Variants in CNTN5 observed in about 807,000 individuals in gnomAD.
The protein encoded by CNTN5 is contactin-5.
In CNTN5, 77 loss-of-function variants were observed where a neutral mutation model predicts 129.1. The ratio of observed to expected loss-of-function variants is 0.60; its 90% CI spans 0.50 to 0.72. The LOEUF (loss-of-function observed/expected upper bound fraction) is 0.72, where lower values mean the gene tolerates loss of function less well. CNTN5 is among the 30% of genes least tolerant of loss of function. The pLI, the probability that CNTN5 is intolerant of heterozygous loss-of-function variation, is 0.00. For synonymous variants in CNTN5, 509 were observed against 465.6 expected, an observed-to-expected ratio of 1.09 and a Z score of -1.20; for missense variants, 1,478 against 1,328.8, an observed-to-expected ratio of 1.11 and a Z score of -1.75.
At chr11:99,314,196 T>A (rs1373105790) in intron 1 of CNTN5, among the ~76,000 whole-genome samples, 1 of 152,082 alleles carries the variant, frequency 6.6e-6, no homozygotes, top group Non-Finnish European at 1.5e-5. Flanking sequence ...TAAAAAATTA[T>A]GCCATGTAAA....
chr11:99,670,931 A>G (rs1591454307), intron 3 of CNTN5, among the ~76,000 whole-genome samples: 2 of 152,292 alleles, frequency 1.3e-5, no homozygotes, highest in South Asian at 4.1e-4. Context: ...TATAGTAGGC[A>G]CTATGTAATT....
intron 6 of CNTN5, among the ~76,000 whole-genome samples, chr11:99,866,886 A>G (rs1442901043): frequency 6.6e-6 from 1 of 152,144 alleles, no homozygotes; most frequent in Non-Finnish European, 1.5e-5. Flanking sequence ...CACCCTTCCC[A>G]CAACATCTTT....
intron 24 of CNTN5, among the ~76,000 whole-genome samples, chr11:100,353,047 C>T (rs182568613): frequency 2.0e-4 from 30 of 151,620 alleles, no homozygotes; most frequent in African/African-American, 7.2e-4. Flanking sequence ...CTTTCAACTC[C>T]AACACAATCA....
intron 16 of CNTN5, among the ~76,000 whole-genome samples, chr11:100,232,711 C>T (rs1362358868): frequency 6.6e-6 from 1 of 152,136 alleles, no homozygotes; most frequent in Admixed American, 6.5e-5. Context: ...TGGCAGGCAT[C>T]GAGCTATGAT....
In CNTN5 at chr11:100,339,526, T is replaced by C. The variant is rs572714803; in HGVS notation, c.2731-937T>C. 1.5e-4 allele frequency among the ~76,000 whole-genome samples: 23 copies of C among 152,038 alleles called. No individual in the cohort carries two copies. The South Asian group carries it at 4.8e-3, about 32-fold the overall frequency. On this transcript the variant is annotated intron_variant, in intron 21 of 24. Transcript: ENST00000524871. ...TAGTTTTGAAAAAGGCAAGATTCAA[T>C]TGGTAAAAAGGCATTATTCAGAAAG...
rs199823982 is a variant in CNTN5 at position 99,347,592 on chromosome 11, G to A, written c.-71+22108G>A. On this transcript the variant is annotated intron_variant, in intron 2 of 24. Coordinates refer to ENST00000524871, the MANE Select transcript of CNTN5 (RefSeq NM_014361.4). ...GTCCCACTTTTCATGAGTCTGACCT[G>A]ATTTCAATTTATTTTGCACTTTAAT... is the stretch of plus-strand genomic sequence containing the variant. Among the ~76,000 whole-genome samples, 7 of 152,244 alleles carry A rather than the reference G, an allele frequency of 4.6e-5. No individual in the cohort carries two copies. In the East Asian group the frequency reaches 1.4e-3, roughly 29 times the overall value.
intron 13 of CNTN5, among the ~76,000 whole-genome samples, chr11:100,085,923 T>A (rs1450359889): frequency 1.3e-5 from 2 of 152,040 alleles, no homozygotes; most frequent in Non-Finnish European, 2.9e-5. Context: ...GGTCTTGGAA[T>A]AGGATTTTAA....
chr11:100,355,243 C>G (rs1952495818), intron 24 of CNTN5, among the ~76,000 whole-genome samples: 1 of 151,456 alleles, frequency 6.6e-6, no homozygotes, highest in Non-Finnish European at 1.5e-5. Context: ...GAAACTAAGT[C>G]ACAAACATCC....
intron 13 of CNTN5, among the ~76,000 whole-genome samples, chr11:100,125,393 G>A (rs1156565592): frequency 6.6e-6 from 1 of 151,846 alleles, no homozygotes; most frequent in East Asian, 1.9e-4. Context: ...TCGTTCAGTT[G>A]CCACTTATAA....
chr11:99,583,268 G>T lies in CNTN5; in HGVS notation c.55+26999G>T, dbSNP rs576761282. ...TGCCTCCCAGTTAGGCTACTTGGGG[G>T]TCAGGGACCCACTTGAGGAGGCTGT... is the stretch of plus-strand genomic sequence containing the variant. On this transcript the variant is annotated intron_variant, in intron 3 of 24. Coordinates refer to ENST00000524871, the MANE Select transcript of CNTN5 (RefSeq NM_014361.4). Among the ~76,000 whole-genome samples, 6 of 152,340 alleles carry T rather than the reference G, an allele frequency of 3.9e-5. No individual in the cohort carries two copies. The South Asian group carries it at 6.2e-4, about 16-fold the overall frequency.
At chr11:99,256,785 A>C (rs2135810334) in intron 1 of CNTN5, among the ~76,000 whole-genome samples, 1 of 152,164 alleles carries the variant, frequency 6.6e-6, no homozygotes, top group Non-Finnish European at 1.5e-5. Context: ...GAATTCACAA[A>C]CTATACAAAA....
intron 3 of CNTN5, among the ~76,000 whole-genome samples, chr11:99,556,593 A>ATATC (rs1555026456): frequency 3.7e-5 from 5 of 135,328 alleles, no homozygotes; most frequent in East Asian, 2.3e-4. Flanking sequence ...ATATATATAT[A>ATATC]TCTCCCACAC....
intron 2 of CNTN5, among the ~76,000 whole-genome samples, chr11:99,477,254 A>T (rs1462691802): frequency 6.6e-6 from 1 of 151,994 alleles, no homozygotes; most frequent in African/African-American, 2.4e-5. Context: ...TTAAAAAATA[A>T]TTTAGTACCC....
At chr11:99,357,845 A>T (rs527652378) in intron 2 of CNTN5, among the ~76,000 whole-genome samples, 53 of 150,084 alleles carry the variant, frequency 3.5e-4, no homozygotes, top group African/African-American at 1.2e-3. Context: ...CAATATTAAG[A>T]CTCTACTAGT....
At chr11:99,993,748 C>T (rs908586825) in intron 8 of CNTN5, among the ~76,000 whole-genome samples, 5 of 152,046 alleles carry the variant, frequency 3.3e-5, no homozygotes, top group Non-Finnish European at 7.3e-5. Flanking sequence ...GGGTGGGGAA[C>T]CCTGAGCTAG....
chr11:99,424,755 C>T (rs1046989834), intron 2 of CNTN5, among the ~76,000 whole-genome samples: 1 of 152,242 alleles, frequency 6.6e-6, no homozygotes, highest in African/African-American at 2.4e-5. Context: ...TTTCATCGCC[C>T]ACAACATGGT....
chr11:99,203,176 T>C (rs1859301117), intron 1 of CNTN5, among the ~76,000 whole-genome samples: 1 of 152,206 alleles, frequency 6.6e-6, no homozygotes, highest in Admixed American at 6.5e-5. Flanking sequence ...AATATTATTT[T>C]TGCAGTCTTT....
intron 9 of CNTN5, among the ~76,000 whole-genome samples, chr11:100,024,232 G>C (rs1266942105): frequency 9.2e-5 from 14 of 152,094 alleles, no homozygotes; most frequent in Admixed American, 9.2e-4. Context: ...TTTCCCCTTT[G>C]CTAGGCACTT....
rs114718485 is a variant in CNTN5, at chr11:99,112,593, G to A, written c.-210+91323G>A. Reference sequence around the variant, plus strand: ...TATAGAGATAATGCATTTGCCACTCGCCTGAAAGCCTTAAAATCCATGAAT... The same window carrying A: ...TATAGAGATAATGCATTTGCCACTCACCTGAAAGCCTTAAAATCCATGAAT... On this transcript the variant is annotated intron_variant, in intron 1 of 24. Coordinates refer to ENST00000524871, the MANE Select transcript of CNTN5 (RefSeq NM_014361.4). 3.7e-3 allele frequency among the ~76,000 whole-genome samples: 562 copies of A among 152,042 alleles called. 4 individuals carry two copies. The highest frequency in any genetic ancestry group is 0.013 in the African/African-American group (526 of 41,516).
Sources: gnomAD v4.1 joint callset for allele counts (sites outside exome capture counted in the v4.1 genomes callset) on GRCh38, gnomAD v4.1.1 for gene constraint, MANE v1.5 for transcripts, NCBI Gene and HGNC (gene_info 2026-07-23, HGNC 2026-07-21) for gene names.